Variants in DMD observed in about 807,000 individuals in gnomAD.
DMD encodes dystrophin, also known as mutant dystrophin.
In DMD, 63 loss-of-function variants were observed where a neutral mutation model predicts 330.1. That is an observed-to-expected ratio of 0.19 (90% CI 0.16 to 0.24). The LOEUF (loss-of-function observed/expected upper bound fraction) is 0.24. Ranked by LOEUF, DMD falls within the 10% of genes least tolerant of loss-of-function variation. The pLI is 1.00. For missense variants in DMD, 3,344 were observed against 2,684.1 expected (o/e 1.25, Z -5.43); for synonymous variants, 1,223 against 959.8 (o/e 1.27, Z -5.07).
chrX:32,406,629 T>C (rs1379569161), intron 30 of DMD, among the ~76,000 whole-genome samples: 1 of 111,246 alleles, frequency 9.0e-6, no homozygotes, highest in Admixed American at 9.6e-5. Context: ...CATAAGCTTT[T>C]TGATGTGCTG....
At chrX:32,886,625 G>C (rs1161565784) in intron 2 of DMD, among the ~76,000 whole-genome samples, 1 of 110,824 alleles carries the variant, frequency 9.0e-6, no homozygotes, top group East Asian at 2.9e-4. Flanking sequence ...GAAGCTTGCA[G>C]TGAGCCGAGA....
chrX:32,083,752 G>A (rs772004571), intron 44 of DMD, among the ~76,000 whole-genome samples: 2 of 112,490 alleles, frequency 1.8e-5, no homozygotes, highest in African/African-American at 6.4e-5. Flanking sequence ...GTACTTGGGA[G>A]ATCAACCATT....
chrX:32,487,910 G>C (rs1316794535), intron 20 of DMD, among the ~76,000 whole-genome samples: 1 of 111,721 alleles, frequency 9.0e-6, no homozygotes, highest in East Asian at 2.8e-4. Flanking sequence ...TGTATTTATA[G>C]TACAGAAATA....
chrX:32,740,863 A>G (rs1456589351), intron 7 of DMD, among the ~76,000 whole-genome samples: 1 of 111,717 alleles, frequency 9.0e-6, no homozygotes, highest in African/African-American at 3.3e-5. Context: ...AAGTGTTTAC[A>G]TAACATGCCC....
chrX:31,965,415 G>A (rs1026376396), intron 45 of DMD, among the ~76,000 whole-genome samples: 2 of 111,662 alleles, frequency 1.8e-5, no homozygotes, highest in African/African-American at 6.5e-5. Flanking sequence ...GTAGTGATAA[G>A]CATAAATGAT....
rs764380790 is a variant in DMD at position 32,347,897 on chromosome X, C to A, written c.5448+509G>T. Among the ~76,000 whole-genome samples the A allele has an allele frequency of 2.7e-5, 3 of 111,556 alleles. No individual in the cohort carries two copies. In the South Asian group the frequency reaches 1.1e-3, roughly 41 times the overall value. On this transcript the variant is annotated intron_variant, in intron 38 of 78. Coordinates refer to ENST00000357033, the MANE Select transcript of DMD (RefSeq NM_004006.3). ...TATTTCTTTACTCCCATGAAATAAGCAGCATGAATTTATACACATTTTAGA... is the reference window on the plus strand; with the variant it reads ...TATTTCTTTACTCCCATGAAATAAGAAGCATGAATTTATACACATTTTAGA...
At chrX:31,980,955 C>T (rs922839240) in intron 44 of DMD, among the ~76,000 whole-genome samples, 51 of 112,109 alleles carry the variant, frequency 4.5e-4, no homozygotes, top group African/African-American at 1.6e-3. Context: ...AATCTAAGTA[C>T]TTTCTCTCTC....
intron 9 of DMD, among the ~76,000 whole-genome samples, chrX:32,649,286 G>C (rs952303440): frequency 3.6e-5 from 4 of 110,308 alleles, no homozygotes; most frequent in Non-Finnish European, 7.6e-5. Context: ...CGGGTGCGGT[G>C]GCTCAGACCT....
At chrX:32,944,708 G>A (rs1373200596) in intron 2 of DMD, among the ~76,000 whole-genome samples, 3 of 108,497 alleles carry the variant, frequency 2.8e-5, no homozygotes, top group Non-Finnish European at 3.8e-5. Context: ...TGGATCAAGC[G>A]ATTCTCCTGC....
At chrX:32,002,888 A>AT (rs1320068738) in intron 44 of DMD, among the ~76,000 whole-genome samples, 5 of 111,289 alleles carry the variant, frequency 4.5e-5, no homozygotes, top group Admixed American at 9.5e-5. Flanking sequence ...GCCCCAAAGC[A>AT]TTTTTTTGTT....
intron 62 of DMD, among the ~76,000 whole-genome samples, chrX:31,306,602 A>ATTT (rs1460225738): frequency 8.9e-6 from 1 of 111,850 alleles, no homozygotes; most frequent in Admixed American, 9.5e-5. Flanking sequence ...TCATTTCTCT[A>ATTT]TTTTTTGTTT....
chrX:32,260,364 T>C (rs1249712165), intron 43 of DMD, among the ~76,000 whole-genome samples: 1 of 111,714 alleles, frequency 9.0e-6, no homozygotes, highest in African/African-American at 3.3e-5. Flanking sequence ...GCCACTTTGA[T>C]TTCAGGGTTA....
intron 41 of DMD, among the ~76,000 whole-genome samples, chrX:32,327,967 C>T (rs770443223): frequency 2.7e-5 from 3 of 111,231 alleles, no homozygotes; most frequent in South Asian, 7.5e-4. Flanking sequence ...TTTCAGAATA[C>T]AAATTTAATT....
intron 61 of DMD, among the ~76,000 whole-genome samples, chrX:31,341,096 C>G (rs1188095122): frequency 8.9e-6 from 1 of 111,945 alleles, no homozygotes; most frequent in Non-Finnish European, 1.9e-5. Context: ...ACTAGTTTGA[C>G]TCTAACAGGC....
intron 43 of DMD, among the ~76,000 whole-genome samples, chrX:32,266,054 C>G (rs187021507): frequency 9.0e-6 from 1 of 111,403 alleles, no homozygotes; most frequent in Non-Finnish European, 1.9e-5. Context: ...TGGCTATGTC[C>G]CCACCCAAAT....
intron 9 of DMD, among the ~76,000 whole-genome samples, chrX:32,685,349 A>G (rs1332693009): frequency 2.7e-5 from 3 of 111,942 alleles, no homozygotes; most frequent in Non-Finnish European, 3.8e-5. Context: ...TGTTTCAGAA[A>G]GAGGACTACA....
chrX:32,459,784 A>C (rs767399547), intron 25 of DMD, among the ~76,000 whole-genome samples: 16 of 111,424 alleles, frequency 1.4e-4, no homozygotes, highest in Non-Finnish European at 3.0e-4. Context: ...ATCTGTTAAA[A>C]AGAATAAAGG....
intron 1 of DMD, among the ~76,000 whole-genome samples, chrX:33,282,632 A>G (rs1190987859): frequency 1.8e-5 from 2 of 111,811 alleles, no homozygotes; most frequent in South Asian, 7.5e-4. Context: ...CCACTTGTCT[A>G]TTTTTCAGCA....
intron 55 of DMD, among the ~76,000 whole-genome samples, chrX:31,621,519 G>A (rs950049211): frequency 1.8e-5 from 2 of 111,796 alleles, no homozygotes; most frequent in Non-Finnish European, 3.8e-5. Context: ...TAGGTGGCAA[G>A]GGGCAGAGAG....
Sources: gnomAD v4.1 joint callset for allele counts (sites outside exome capture counted in the v4.1 genomes callset) on GRCh38, gnomAD v4.1.1 for gene constraint, MANE v1.5 for transcripts, NCBI Gene and HGNC (gene_info 2026-07-23, HGNC 2026-07-21) for gene names.